Variants in PTPRD observed in about 807,000 individuals in gnomAD.
The protein encoded by PTPRD is protein tyrosine phosphatase receptor type D.
A neutral mutation model predicts 214.5 loss-of-function variants in PTPRD; 34 were observed. The ratio of observed to expected loss-of-function variants is 0.16; its 90% CI spans 0.12 to 0.21. The LOEUF is 0.21. Ranked by LOEUF, PTPRD falls within the 10% of genes least tolerant of loss-of-function variation. PTPRD has a pLI of 1.00. For missense variants in PTPRD, 2,545 were observed against 2,398.7 expected (o/e 1.06, Z -1.27); for synonymous variants, 1,128 against 845.7 (o/e 1.33, Z -5.79).
intron 9 of PTPRD, among the ~76,000 whole-genome samples, chr9:9,200,128 A>G (rs967148495): frequency 9.9e-5 from 15 of 152,208 alleles, no homozygotes; most frequent in African/African-American, 3.6e-4. Context: ...CTCTGCTCCT[A>G]CTGGGAGCCA....
intron 39 of PTPRD, among the ~76,000 whole-genome samples, chr9:8,359,834 T>A (rs1244644305): frequency 2.0e-5 from 3 of 152,220 alleles, no homozygotes; most frequent in Admixed American, 6.5e-5. Flanking sequence ...TACCACTTAG[T>A]GTTTGTTCCA....
At chr9:8,752,122 C>T (rs1353412003) in intron 11 of PTPRD, among the ~76,000 whole-genome samples, 2 of 152,122 alleles carry the variant, frequency 1.3e-5, no homozygotes, top group East Asian at 1.9e-4. Context: ...TGAAAAGGGG[C>T]TGGGTAAAAT....
At chr9:9,391,145 C>T (rs2065707085) in intron 9 of PTPRD, among the ~76,000 whole-genome samples, 1 of 140,712 alleles carries the variant, frequency 7.1e-6, no homozygotes, top group Non-Finnish European at 1.6e-5. Flanking sequence ...GGTTTATGAT[C>T]AGGGATATTC....
chr9:8,623,522 G>A (rs764167031), intron 14 of PTPRD, among the ~76,000 whole-genome samples: 16 of 151,866 alleles, frequency 1.1e-4, no homozygotes, highest in Non-Finnish European at 1.9e-4. Context: ...TTCACAAATG[G>A]GGCAGTTCCC....
chr9:10,013,011 G>C (rs1056317273), intron 4 of PTPRD, among the ~76,000 whole-genome samples: 1 of 151,848 alleles, frequency 6.6e-6, no homozygotes, highest in African/African-American at 2.4e-5. Flanking sequence ...TGATCTGTTA[G>C]AAAAGCATAT....
At chr9:10,396,710 T>A (rs1256955909) in intron 2 of PTPRD, among the ~76,000 whole-genome samples, 1 of 152,012 alleles carries the variant, frequency 6.6e-6, no homozygotes, top group Admixed American at 6.6e-5. Flanking sequence ...TTATGTCTGT[T>A]CAACCTGACT....
chr9:8,592,212 T>C (rs1283498397), intron 14 of PTPRD, among the ~76,000 whole-genome samples: 6 of 152,320 alleles, frequency 3.9e-5, no homozygotes, highest in South Asian at 4.1e-4. Context: ...GCCCTCCTTC[T>C]AGCTCTTCTT....
At chr9:9,413,479 G>C (rs2076141119) in intron 8 of PTPRD, among the ~76,000 whole-genome samples, 1 of 152,112 alleles carries the variant, frequency 6.6e-6, no homozygotes, top group South Asian at 2.1e-4. Context: ...GAAATGATTT[G>C]CACAAATACA....
intron 35 of PTPRD, among the ~76,000 whole-genome samples, chr9:8,417,600 G>C (rs1038787638): frequency 6.6e-6 from 1 of 152,100 alleles, no homozygotes; most frequent in Non-Finnish European, 1.5e-5. Context: ...GAACTGCATT[G>C]CTTAACTACA....
chr9:8,432,361 T>C (rs376306347), intron 35 of PTPRD, among the ~76,000 whole-genome samples: 24 of 152,246 alleles, frequency 1.6e-4, no homozygotes, highest in African/African-American at 5.8e-4. Context: ...CTAAATTCAC[T>C]GTTGGAGTTC....
At chr9:10,282,116 C>T (rs1292208951) in intron 3 of PTPRD, among the ~76,000 whole-genome samples, 1 of 152,050 alleles carries the variant, frequency 6.6e-6, no homozygotes, top group Non-Finnish European at 1.5e-5. Context: ...ATGGAAAGAT[C>T]ATGACTTTCT....
chr9:9,656,655 T>G (rs1161438985), intron 7 of PTPRD, among the ~76,000 whole-genome samples: 2 of 152,096 alleles, frequency 1.3e-5, no homozygotes, highest in African/African-American at 2.4e-5. Context: ...GGAGGATTTT[T>G]AGGGTGATGA....
chr9:9,280,615 A>T (rs530907961), intron 9 of PTPRD, among the ~76,000 whole-genome samples: 2 of 151,324 alleles, frequency 1.3e-5, no homozygotes, highest in Admixed American at 1.3e-4. Flanking sequence ...AAACTTTGAT[A>T]AAAAATATCA....
intron 10 of PTPRD, among the ~76,000 whole-genome samples, chr9:9,048,816 A>C (rs2154392145): frequency 6.6e-6 from 1 of 152,242 alleles, no homozygotes; most frequent in Admixed American, 6.6e-5. Flanking sequence ...GGAGTGTAAT[A>C]GAATTGTTTG....
In PTPRD at chr9:9,793,632, G is replaced by A. The variant is rs184214049; in HGVS notation, c.-367-26781C>T. On this transcript the variant is annotated intron_variant, in intron 5 of 45. Coordinates refer to ENST00000381196, the MANE Select transcript of PTPRD (RefSeq NM_002839.4). ...TACTCCTATTATATATATCCTAAAC[G>A]TGAATCAAGCGGGAAAAATTTTTTA... Among the ~76,000 whole-genome samples the A allele has an allele frequency of 3.6e-3, 541 of 151,786 alleles. 3 individuals are homozygous for A. Among genetic ancestry groups the A allele is most frequent in the Admixed American group, 0.01 (156 of 15,232 alleles).
At chr9:8,497,748 G>C (rs2097308088) in intron 25 of PTPRD, among the ~76,000 whole-genome samples, 2 of 152,022 alleles carry the variant, frequency 1.3e-5, no homozygotes, top group Admixed American at 1.3e-4. Context: ...AGGAAAAACA[G>C]CAATTAATAA....
chr9:8,518,719 G>A (rs1295573560), intron 20 of PTPRD, among the ~76,000 whole-genome samples: 1 of 151,956 alleles, frequency 6.6e-6, no homozygotes, highest in Non-Finnish European at 1.5e-5. Context: ...ACCTCTCTTT[G>A]CTTTAGTTTC....
intron 13 of PTPRD, among the ~76,000 whole-genome samples, chr9:8,635,398 C>T (rs2096399406): frequency 6.6e-6 from 1 of 151,684 alleles, no homozygotes; most frequent in African/African-American, 2.4e-5. Flanking sequence ...CTACATGACA[C>T]AGGAAACATT....
At chr9:8,499,181 T>C (rs568439334) in intron 25 of PTPRD, among the ~76,000 whole-genome samples, 2 of 152,186 alleles carry the variant, frequency 1.3e-5, no homozygotes, top group Non-Finnish European at 2.9e-5. Context: ...GTACTAAATA[T>C]AATACTGAGT....
Sources: gnomAD v4.1 joint callset for allele counts (sites outside exome capture counted in the v4.1 genomes callset) on GRCh38, gnomAD v4.1.1 for gene constraint, MANE v1.5 for transcripts, NCBI Gene and HGNC (gene_info 2026-07-23, HGNC 2026-07-21) for gene names.